The following GSE1 variants were observed in gnomAD, a reference collection of about 807,000 sequenced individuals.
GSE1 encodes genetic suppressor element 1.
Under a neutral mutation model 112.6 loss-of-function variants are expected in GSE1, and 32 were observed. The ratio of observed to expected loss-of-function variants is 0.28; its 90% CI spans 0.21 to 0.38. The LOEUF is 0.38. GSE1 is among the 10% of genes least tolerant of loss of function. GSE1 has a pLI of 1.00. For missense variants in GSE1, 2,348 were observed against 1,699.2 expected (o/e 1.38, Z -6.71); for synonymous variants, 1,115 against 735.6 (o/e 1.52, Z -8.35).
At chr16:85,398,489 T>TG (rs990387051) in intron 2 of GSE1, among the ~76,000 whole-genome samples, 91 of 152,114 alleles carry the variant, frequency 6.0e-4, no homozygotes, top group Non-Finnish European at 1.1e-3. Context: ...ATCTGTAGAC[T>TG]GGGGATACCC....
chr16:85,299,538 C>G (rs1378440062), intron 1 of GSE1, among the ~76,000 whole-genome samples: 1 of 152,240 alleles, frequency 6.6e-6, no homozygotes, highest in Non-Finnish European at 1.5e-5. Flanking sequence ...TGAACTTGTT[C>G]TTGCTTTGAG....
chr16:85,343,827 C>T (rs1485724802), intron 1 of GSE1, among the ~76,000 whole-genome samples: 2 of 152,210 alleles, frequency 1.3e-5, no homozygotes, highest in Admixed American at 6.5e-5. Flanking sequence ...GCTCCCCTCT[C>T]ACTGCGAATG....
chr16:85,418,688 G>A (rs185513347), intron 2 of GSE1, among the ~76,000 whole-genome samples: 6 of 152,228 alleles, frequency 3.9e-5, no homozygotes, highest in Admixed American at 2.6e-4. Context: ...TCCTTCCAAG[G>A]TACTGATGCA....
At chr16:85,581,214 AG>A (rs1567612050) in intron 1 of GSE1, among the ~76,000 whole-genome samples, 2 of 152,270 alleles carry the variant, frequency 1.3e-5, no homozygotes, top group South Asian at 4.1e-4. Flanking sequence ...TTCAGTGGGG[AG>A]GGGGCTGGTG....
chr16:85,434,307 CTAATAATAATAA>C (rs59877761), intron 2 of GSE1, among the ~76,000 whole-genome samples: 47 of 142,120 alleles, frequency 3.3e-4, no homozygotes, highest in Admixed American at 4.2e-4. Context: ...GGATGGTGGT[CTAATAATAATAA>C]TAATAATAAT....
chr16:85,258,311 C>A (rs1907297384), intron 1 of GSE1, among the ~76,000 whole-genome samples: 1 of 152,228 alleles, frequency 6.6e-6, no homozygotes, highest in Non-Finnish European at 1.5e-5. Flanking sequence ...GTCACACAGA[C>A]TGAGCTTGAT....
At chr16:85,418,704 C>T (rs1433911511) in intron 2 of GSE1, among the ~76,000 whole-genome samples, 2 of 152,174 alleles carry the variant, frequency 1.3e-5, no homozygotes, top group African/African-American at 4.8e-5. Context: ...ATGCAGGATC[C>T]CCCTGGCCAC....
intron 1 of GSE1, among the ~76,000 whole-genome samples, chr16:85,193,579 C>A (rs961327259): frequency 5.3e-5 from 8 of 152,182 alleles, no homozygotes; most frequent in Non-Finnish European, 8.8e-5. Context: ...CCTGCCTCAG[C>A]CTCCCGAGTA....
chr16:85,671,163 C>G, intron 15 of GSE1, 65 bp downstream of exon 15: 1 of 922,674 alleles, frequency 1.1e-6, no homozygotes, highest in Non-Finnish European at 1.8e-6. Context: ...CAGAAACACC[C>G]ATGCAGATAA....
intron 2 of GSE1, among the ~76,000 whole-genome samples, chr16:85,467,375 AC>A (rs2050153704): frequency 6.6e-6 from 1 of 152,166 alleles, no homozygotes; most frequent in Non-Finnish European, 1.5e-5. Context: ...GTAACAAACT[AC>A]CCCAAGACAT....
At chr16:85,517,522 C>G (rs1167693414) in intron 2 of GSE1, among the ~76,000 whole-genome samples, 1 of 152,192 alleles carries the variant, frequency 6.6e-6, no homozygotes, top group African/African-American at 2.4e-5. Flanking sequence ...GCTCTCAGGC[C>G]TTGTGCTGAA....
chr16:85,644,395 A>C (rs2050687988), intron 2 of GSE1, among the ~76,000 whole-genome samples: 1 of 151,690 alleles, frequency 6.6e-6, no homozygotes, highest in Non-Finnish European at 1.5e-5. Context: ...CAGCGGCCAC[A>C]AGGTGGGCCC....
intron 2 of GSE1, among the ~76,000 whole-genome samples, chr16:85,422,816 C>T (rs1464471317): frequency 6.6e-6 from 1 of 152,138 alleles, no homozygotes; most frequent in Non-Finnish European, 1.5e-5. Context: ...CTCTGGAAAG[C>T]AGGCATTGGA....
In GSE1 at chr16:85,311,768, C is replaced by T. The variant is rs1332376379; in HGVS notation, c.2284-45695C>T. Among the ~76,000 whole-genome samples the T allele has an allele frequency of 1.3e-5, 2 of 152,158 alleles. No individual in the cohort carries two copies. The highest frequency in any genetic ancestry group is 1.9e-4 in the East Asian group (1 of 5,186). On this transcript the variant is annotated intron_variant, in intron 1 of 2. Transcript: ENST00000637419. The surrounding 1 kb of genome is among the most constrained non-coding windows in gnomAD (Gnocchi z 4.2). The stretch of plus-strand genomic sequence containing the variant: ...GTGCAGGCTCTCCAGGGACATCTGT[C>T]CCACCTGCCGATGCCCACATACCAC...
chr16:85,479,641 G>T (rs958708685), intron 2 of GSE1, among the ~76,000 whole-genome samples: 1 of 152,118 alleles, frequency 6.6e-6, no homozygotes, highest in Admixed American at 6.5e-5. Context: ...TTTTCAATTC[G>T]CTGAGTGTCG....
rs190176318 is a variant in GSE1, at chr16:85,570,442, G to A, written c.37+14079G>A. Among the ~76,000 whole-genome samples the A allele has an allele frequency of 1.3e-3, 197 of 152,334 alleles. 1 individual carries two copies. The highest frequency in any genetic ancestry group is 4.6e-3 in the African/African-American group (190 of 41,580). ...CTGACACCTGCTGTGTGACAAAGTC[G>A]TGGCACTTGATCCCAGCCTGCAGAG... On this transcript the variant is annotated intron_variant, in intron 1 of 2. Transcript: ENST00000635906.
At chr16:85,299,188 G>A (rs2045449955) in intron 1 of GSE1, among the ~76,000 whole-genome samples, 1 of 152,232 alleles carries the variant, frequency 6.6e-6, no homozygotes, top group African/African-American at 2.4e-5. Context: ...TACATTTGGG[G>A]TTGTCCTGGC....
intron 14 of GSE1, among the ~76,000 whole-genome samples, chr16:85,668,807 C>T (rs531331206): frequency 6.6e-6 from 1 of 152,352 alleles, no homozygotes; most frequent in Admixed American, 6.5e-5. Flanking sequence ...CTCCAGCATG[C>T]CTCTTGCCTA....
At chr16:85,566,166 C>A (rs1185891706) in intron 1 of GSE1, among the ~76,000 whole-genome samples, 1 of 152,118 alleles carries the variant, frequency 6.6e-6, no homozygotes. Context: ...TTGATAGCTC[C>A]CAGCTGTCAT....
Sources: allele counts gnomAD v4.1 joint callset (sites outside exome capture counted in the v4.1 genomes callset), GRCh38; gene constraint gnomAD v4.1.1; non-coding constraint Gnocchi (gnomAD v3.1); transcripts MANE v1.5; gene names NCBI Gene and HGNC (gene_info 2026-07-23, HGNC 2026-07-21).